Variants in TUBB8B observed in about 807,000 individuals in gnomAD.
TUBB8B encodes HSA18p11 beta-tubulin 4Q pseudogene.
Under a neutral mutation model 31.9 loss-of-function variants are expected in TUBB8B, and 26 were observed. The ratio of observed to expected loss-of-function variants is 0.81; its 90% CI spans 0.60 to 1.13. The LOEUF (loss-of-function observed/expected upper bound fraction) is 1.13. Ranked by LOEUF, TUBB8B falls within the 50% of genes most tolerant of loss-of-function variation. The pLI is 0.00. For missense variants in TUBB8B, 467 were observed against 586.7 expected (o/e 0.80, Z 2.11); for synonymous variants, 173 against 231.0 (o/e 0.75, Z 2.28).
chr18:66,943 C>T, the TUBB8B span, among the ~76,000 whole-genome samples: 3 of 150,674 alleles, frequency 2.0e-5, no homozygotes, highest in Admixed American at 6.6e-5. Context: ...CGTGAATTTA[C>T]TTCAGCAATG....
chr18:51,969 G>C (rs11660348), upstream of TUBB8B, among the ~76,000 whole-genome samples: 1 of 148,662 alleles, frequency 6.7e-6, no homozygotes, highest in African/African-American at 2.4e-5. Context: ...ACTCTGACAG[G>C]CAAGTAGATG....
chr18:59,750 G>C, the TUBB8B span, among the ~76,000 whole-genome samples: 4 of 151,396 alleles, frequency 2.6e-5, no homozygotes, highest in Non-Finnish European at 5.9e-5. Context: ...TGCCATGTTG[G>C]CCAGGCTGGT....
At chr18:63,633 C>A in the TUBB8B span, among the ~76,000 whole-genome samples, 52 of 151,636 alleles carry the variant, frequency 3.4e-4, no homozygotes, top group East Asian at 4.5e-3. Flanking sequence ...CTAGCCCTAA[C>A]CCTAACCCCA....
chr18:54,979 C>A, the TUBB8B span, among the ~76,000 whole-genome samples: 1 of 151,902 alleles, frequency 6.6e-6, no homozygotes, highest in Non-Finnish European at 1.5e-5. Flanking sequence ...TCATAAATGT[C>A]CATTTAAATT....
At chr18:55,637 A>G in the TUBB8B span, among the ~76,000 whole-genome samples, 1 of 151,696 alleles carries the variant, frequency 6.6e-6, no homozygotes, top group Non-Finnish European at 1.5e-5. Flanking sequence ...CCATGATCCA[A>G]TCACCTTCTA....
At chr18:67,934 A>C in the TUBB8B span, among the ~76,000 whole-genome samples, 3 of 152,132 alleles carry the variant, frequency 2.0e-5, no homozygotes, top group African/African-American at 7.2e-5. Flanking sequence ...CACACAATAC[A>C]GATATGACAC....
intron 1 of TUBB8B, 83 bp downstream of exon 1, chr18:49,418 G>T (rs939082261): frequency 7.6e-5 from 67 of 880,874 alleles, no homozygotes; most frequent in African/African-American, 6.7e-5. Context: ...CCGCAATGCA[G>T]GGGCACCGCT....
chr18:63,573 C>A, the TUBB8B span, among the ~76,000 whole-genome samples: 2 of 151,628 alleles, frequency 1.3e-5, no homozygotes, highest in African/African-American at 4.8e-5. Flanking sequence ...ACCCAAGGCC[C>A]ACTGTAACGA....
At chr18:56,820 A>C in the TUBB8B span, among the ~76,000 whole-genome samples, 2 of 151,954 alleles carry the variant, frequency 1.3e-5, no homozygotes, top group African/African-American at 4.8e-5. Flanking sequence ...CTGTACAGAA[A>C]GCATAGCACT....
upstream of TUBB8B, among the ~76,000 whole-genome samples, chr18:53,557 C>G (rs996018239): frequency 4.6e-5 from 7 of 151,752 alleles, no homozygotes; most frequent in Non-Finnish European, 1.0e-4. Context: ...AAACCTCTGC[C>G]TCCCGGGTTC....
At position 48,208 on chromosome 18, in the gene TUBB8B, G is replaced by A. The variant is rs548607698; in HGVS notation, c.517C>T (p.Pro173Ser). ...TCCACCACGGTGTCCGACACCTTGG[G>A]CGAGGGCAGGATGCTGAATGTGTTT... is the stretch of plus-strand genomic sequence containing the variant. ...IINTFSILPS[P>S]KVSDTVVEPY... Residue 173 changes from proline to serine, a missense_variant, in exon 4 of 4, where the codon CCC (proline) becomes TCC (serine). Pro to Ser is a moderately conservative substitution (Grantham distance 74). Around this residue, in one of 2 missense-constraint regions of TUBB8B, gnomAD observed 259 missense variants for 380.1 expected, o/e 0.68. Coordinates refer to ENST00000308911, the MANE Select transcript of TUBB8B (RefSeq NM_001358689.2). 18 of 1,609,122 alleles carry A rather than the reference G, an allele frequency of 1.1e-5. No homozygotes were observed. The East Asian group carries it at 3.1e-4, about 28-fold the overall frequency.
chr18:72,022 C>A, the TUBB8B span, among the ~76,000 whole-genome samples: 2 of 151,638 alleles, frequency 1.3e-5, no homozygotes, highest in African/African-American at 4.8e-5. Context: ...ACTAAAAATA[C>A]AAAAAAATTA....
chr18:54,852 A>G, the TUBB8B span, among the ~76,000 whole-genome samples: 8 of 151,950 alleles, frequency 5.3e-5, no homozygotes, highest in Non-Finnish European at 1.2e-4. Context: ...TCTGGATAAA[A>G]GCCACCTTAA....
the TUBB8B span, among the ~76,000 whole-genome samples, chr18:72,443 T>C: frequency 3.9e-5 from 6 of 151,950 alleles, no homozygotes; most frequent in African/African-American, 1.4e-4. Flanking sequence ...ACAAATACAC[T>C]GTAAATTAAA....
Position 49,210 on chromosome 18 carries a change from C to T in TUBB8B, c.85G>A (p.Ala29Thr). 2 of 1,537,138 alleles carry T rather than the reference C, an allele frequency of 1.3e-6. No homozygotes were observed. Among genetic ancestry groups the T allele is most frequent in the Non-Finnish European group, 8.7e-7 (1 of 1,146,530 alleles). ...KFWEVISDEH[A>T]IDSAGTYHGD... The stretch of plus-strand genomic sequence containing the variant: ...TGGTAGGTGCCAGCGGAGTCGATGG[C>T]ATGTTCATCAGAGATCACCTCCCAG... Residue 29 changes from alanine (A) to threonine (T), a missense_variant, in exon 2 of 4, where the codon GCC becomes ACC. Ala to Thr is a moderately conservative substitution (Grantham distance 58, BLOSUM62 0). Transcript: ENST00000308911.
chr18:57,945 TG>T, the TUBB8B span, among the ~76,000 whole-genome samples: 1 of 151,888 alleles, frequency 6.6e-6, no homozygotes, highest in Non-Finnish European at 1.5e-5. Context: ...GAGTTGTAAC[TG>T]GGCCAATTTG....
the TUBB8B span, among the ~76,000 whole-genome samples, chr18:62,405 C>A: frequency 2.7e-5 from 4 of 146,654 alleles, 1 homozygote; most frequent in Non-Finnish European, 4.5e-5. Context: ...AATATTATTT[C>A]TTTAAATAAA....
At chr18:69,805 C>T in the TUBB8B span, among the ~76,000 whole-genome samples, 98,280 of 151,060 alleles carry the variant, frequency 0.65, 29,034 homozygotes, top group East Asian at 0.98. Context: ...ATAGCAGAAA[C>T]ACATAGGATT....
chr18:63,426 C>A, the TUBB8B span, among the ~76,000 whole-genome samples: 1 of 151,672 alleles, frequency 6.6e-6, no homozygotes, highest in Non-Finnish European at 1.5e-5. Flanking sequence ...TCTTCCCTTT[C>A]TTTCTCTGAA....
Sources: allele counts gnomAD v4.1 joint callset (sites outside exome capture counted in the v4.1 genomes callset), GRCh38; gene constraint gnomAD v4.1.1; regional missense constraint gnomAD v4.1.1; transcripts MANE v1.5; gene names NCBI Gene and HGNC (gene_info 2026-07-23, HGNC 2026-07-21).